Variants in KCNMA1 observed in about 807,000 individuals in gnomAD.
KCNMA1 encodes Calcium-activated potassium channel subunit alpha-1.
KCNMA1 carries 29 observed loss-of-function variants against 140.0 expected under a neutral mutation model. That is an observed-to-expected ratio of 0.21 (90% CI 0.15 to 0.28). KCNMA1 has a LOEUF of 0.28. Among genes scored for constraint, KCNMA1 ranks in the 10% least tolerant of loss-of-function variants. KCNMA1 has a pLI of 1.00. For missense variants in KCNMA1, 880 were observed against 1,602.2 expected (o/e 0.55, Z 7.70); for synonymous variants, 612 against 611.9 (o/e 1.00, Z 0.00).
chr10:77,285,328 T>C (rs1047026897), intron 2 of KCNMA1, among the ~76,000 whole-genome samples: 9 of 152,188 alleles, frequency 5.9e-5, no homozygotes, highest in African/African-American at 1.2e-4. Context: ...TATCAATGTA[T>C]AAATATTGGC....
chr10:77,417,767 C>T lies in KCNMA1; in HGVS notation c.379-13744G>A, dbSNP rs189708173. On this transcript the variant is annotated intron_variant, in intron 1 of 27. Coordinates refer to ENST00000286628, the MANE Select transcript of KCNMA1 (RefSeq NM_001161352.2). The stretch of plus-strand genomic sequence containing the variant: ...GCTGAACTTGGATGGGGCTTGGCTT[C>T]GGGTCAAAAGAGCTGTCCCAATTAG... Among the ~76,000 whole-genome samples, 4 of 152,220 alleles carry T rather than the reference C, an allele frequency of 2.6e-5. No homozygotes were observed. In the East Asian group the frequency reaches 5.8e-4, roughly 22 times the overall value.
At chr10:77,637,107 A>G (rs956163576) in intron 1 of KCNMA1, 158 bp downstream of exon 1, 1 of 1,282,392 alleles carries the variant, frequency 7.8e-7, no homozygotes, top group Admixed American at 2.9e-5. Context: ...CCCCGATCCG[A>G]GAGCACCGGG....
chr10:76,948,524 C>T (rs1565122678), intron 22 of KCNMA1, among the ~76,000 whole-genome samples: 1 of 151,906 alleles, frequency 6.6e-6, no homozygotes, highest in Non-Finnish European at 1.5e-5. Flanking sequence ...TTGTGGAGTC[C>T]CAGACTGTTT....
At chr10:77,502,077 C>A (rs954545334) in intron 1 of KCNMA1, among the ~76,000 whole-genome samples, 1 of 152,108 alleles carries the variant, frequency 6.6e-6, no homozygotes, top group African/African-American at 2.4e-5. Flanking sequence ...CCTAAGGCAG[C>A]CCCAAGGTCA....
At chr10:77,125,521 C>T (rs963129962) in intron 5 of KCNMA1, among the ~76,000 whole-genome samples, 1 of 152,216 alleles carries the variant, frequency 6.6e-6, no homozygotes, top group Admixed American at 6.5e-5. Flanking sequence ...CTCAATGTCC[C>T]TTGATCAGCG....
intron 5 of KCNMA1, among the ~76,000 whole-genome samples, chr10:77,154,467 ATTC>A (rs1308876783): frequency 1.3e-5 from 2 of 152,152 alleles, no homozygotes; most frequent in African/African-American, 4.8e-5. Flanking sequence ...CCTGATTCCA[ATTC>A]TTCATTACTT....
intron 1 of KCNMA1, among the ~76,000 whole-genome samples, chr10:77,531,289 C>T (rs2057548644): frequency 6.6e-6 from 1 of 152,184 alleles, no homozygotes; most frequent in African/African-American, 2.4e-5. Context: ...CTACTTAATC[C>T]TGTCCTAAGA....
intron 3 of KCNMA1, among the ~76,000 whole-genome samples, chr10:77,234,613 C>T (rs1015887689): frequency 8.5e-5 from 13 of 152,158 alleles, no homozygotes; most frequent in Admixed American, 7.9e-4. Flanking sequence ...TACATTTATG[C>T]CATCATCATC....
chr10:76,917,135 T>G (rs1353315351), intron 23 of KCNMA1, among the ~76,000 whole-genome samples: 1 of 152,218 alleles, frequency 6.6e-6, no homozygotes, highest in East Asian at 1.9e-4. Flanking sequence ...CTAAACTGTT[T>G]TCATTAGAAG....
chr10:77,055,107 T>C (rs544857689), intron 14 of KCNMA1, among the ~76,000 whole-genome samples: 1 of 152,276 alleles, frequency 6.6e-6, no homozygotes, highest in East Asian at 1.9e-4. Flanking sequence ...TAAAGAGATA[T>C]CTGAGTTACT....
At chr10:77,250,987 T>A in intron 3 of KCNMA1, 2 of 596,380 alleles carry the variant, frequency 3.4e-6, no homozygotes. Context: ...TACCTCACCC[T>A]CCTATGCCAG....
intron 23 of KCNMA1, among the ~76,000 whole-genome samples, chr10:76,938,062 C>T (rs1032200908): frequency 4.0e-5 from 6 of 151,884 alleles, no homozygotes; most frequent in Admixed American, 2.0e-4. Flanking sequence ...TTTGGTTCTC[C>T]GGCTTCTACC....
At chr10:77,231,757 T>C (rs562125570) in intron 3 of KCNMA1, among the ~76,000 whole-genome samples, 3 of 152,346 alleles carry the variant, frequency 2.0e-5, no homozygotes, top group African/African-American at 7.2e-5. Flanking sequence ...ATATTTTCCT[T>C]GCTTTTGTCT....
At chr10:77,089,181 C>T (rs894835309) in intron 10 of KCNMA1, among the ~76,000 whole-genome samples, 1 of 152,148 alleles carries the variant, frequency 6.6e-6, no homozygotes, top group African/African-American at 2.4e-5. Context: ...AATGTTGGTG[C>T]CCCAACATGG....
intron 5 of KCNMA1, among the ~76,000 whole-genome samples, chr10:77,145,085 G>A (rs2098263397): frequency 6.6e-6 from 1 of 152,100 alleles, no homozygotes. Flanking sequence ...GGGCAATCTG[G>A]TCTCCTACTG....
chr10:77,344,635 A>G (rs944062416), intron 2 of KCNMA1, among the ~76,000 whole-genome samples: 1 of 152,028 alleles, frequency 6.6e-6, no homozygotes, highest in African/African-American at 2.4e-5. Context: ...ATATTTTTCA[A>G]CAGGATGATC....
In KCNMA1 at chr10:76,978,420, G is replaced by C. The variant is rs573982517; in HGVS notation, c.2267-8353C>G. 31 of 152,236 alleles carry C rather than the reference G, an allele frequency of 2.0e-4. No individual in the cohort carries two copies. In the East Asian group the frequency reaches 5.6e-3, roughly 27 times the overall value. 9.4% of individuals were successfully genotyped at this position (152,236 alleles called of 1,614,324 possible). ...TATTTATGAATTTATAATTATCCTT[G>C]ATTTTTCTTCCCCTTTTGCAGTCTA... On this transcript the variant is annotated intron_variant, in intron 19 of 27. Coordinates refer to ENST00000286628, the MANE Select transcript of KCNMA1 (RefSeq NM_001161352.2).
At chr10:77,421,282 G>A (rs1226738381) in intron 1 of KCNMA1, among the ~76,000 whole-genome samples, 1 of 152,094 alleles carries the variant, frequency 6.6e-6, no homozygotes, top group Non-Finnish European at 1.5e-5. Context: ...CTCTCCCCAG[G>A]AAGCCTTTCC....
chr10:77,403,427 TG>T lies in KCNMA1; in HGVS notation c.540+434del, dbSNP rs1449725799. On this transcript the variant is annotated intron_variant, in intron 2 of 27. Coordinates refer to ENST00000286628, the MANE Select transcript of KCNMA1 (RefSeq NM_001161352.2). ...AAACTGCTGCAAGAGGGGGTCCCTA[TG>T]GGCTACCACAGGACAAGAAGAACAT... 9.2e-5 allele frequency among the ~76,000 whole-genome samples: 14 copies of T among 152,204 alleles called. No homozygotes were observed. In the East Asian group the frequency reaches 2.1e-3, roughly 23 times the overall value.
Sources: allele counts gnomAD v4.1 joint callset (sites outside exome capture counted in the v4.1 genomes callset), GRCh38; gene constraint gnomAD v4.1.1; transcripts MANE v1.5; gene names NCBI Gene and HGNC (gene_info 2026-07-23, HGNC 2026-07-21).